TBX5: variants seen among roughly 807,000 people sequenced by gnomAD.
The protein encoded by TBX5 is T-box transcription factor TBX5.
A neutral mutation model predicts 51.1 loss-of-function variants in TBX5; 8 were observed. That is an observed-to-expected ratio of 0.16 (90% CI 0.09 to 0.28). The LOEUF (loss-of-function observed/expected upper bound fraction) is 0.28. Among genes scored for constraint, TBX5 ranks in the 10% least tolerant of loss-of-function variants. The pLI is 1.00. For synonymous variants in TBX5, 302 were observed against 266.4 expected (o/e 1.13, Z -1.30); for missense variants, 589 against 671.7 (o/e 0.88, Z 1.36).
chr12:114,388,315 G>A (rs557857279), intron 6 of TBX5, among the ~76,000 whole-genome samples: 2 of 151,992 alleles, frequency 1.3e-5, no homozygotes, highest in Admixed American at 6.6e-5. Flanking sequence ...CTGCCACCAC[G>A]CCTGAGTAAT....
chr12:114,402,071 T>C, intron 2 of TBX5, 151 bp from the exon 3 acceptor site: 1 of 735,708 alleles, frequency 1.4e-6, no homozygotes, highest in Non-Finnish European at 2.4e-6. Flanking sequence ...CACTGCAGAA[T>C]TATCTGGAGC....
At chr12:114,390,657 T>C (rs1472862448) in intron 6 of TBX5, among the ~76,000 whole-genome samples, 1 of 152,210 alleles carries the variant, frequency 6.6e-6, no homozygotes, top group Non-Finnish European at 1.5e-5. Flanking sequence ...ATAGACTCCT[T>C]ACACAATGAT....
chr12:114,402,262 C>A lies in TBX5; in HGVS notation c.148-342G>T, dbSNP rs573906047. On this transcript the variant is annotated intron_variant, in intron 2 of 8. Coordinates refer to ENST00000405440, the MANE Select transcript of TBX5 (RefSeq NM_181486.4). The stretch of plus-strand genomic sequence containing the variant: ...TGAGGAGGACCGGAATAAGAAAAAA[C>A]CAACCAAACAAACAAACCAAAAAAA... Among the ~76,000 whole-genome samples the A allele has an allele frequency of 1.1e-3, 171 of 152,054 alleles. 1 individual carries two copies. Among genetic ancestry groups the A allele is most frequent in the Middle Eastern group, 6.8e-3 (2 of 294 alleles).
At position 114,355,936 on chromosome 12, in the gene TBX5, G is replaced by T; in HGVS notation, c.1153C>A (p.Pro385Thr). ...RQACMYASSA[P>T]PSEPVPSLED... ...AGGCTGGGCACAGGCTCGCTGGGGGGCGCAGAGCTGGCATACATGCAAGCT... is the reference window on the plus strand; with the variant it reads ...AGGCTGGGCACAGGCTCGCTGGGGGTCGCAGAGCTGGCATACATGCAAGCT... Residue 385 changes from proline to threonine, a missense_variant, in exon 9 of 9, where the codon CCC becomes ACC. Physicochemically the swap from Pro to Thr is conservative, Grantham distance 38. Coordinates refer to ENST00000405440, the MANE Select transcript of TBX5 (RefSeq NM_181486.4). The T allele has an allele frequency of 1.2e-6, 2 of 1,613,870 alleles. No individual in the cohort carries two copies. Among genetic ancestry groups the T allele is most frequent in the Non-Finnish European group, 1.7e-6 (2 of 1,180,040 alleles).
At chr12:114,364,100 T>C (rs1039946668) in intron 8 of TBX5, among the ~76,000 whole-genome samples, 4 of 152,220 alleles carry the variant, frequency 2.6e-5, no homozygotes, top group Non-Finnish European at 5.9e-5. Context: ...TAAATACCAA[T>C]GACAGCTCTT....
At chr12:114,404,208 T>C (rs1168728996) in intron 1 of TBX5, among the ~76,000 whole-genome samples, 1 of 152,032 alleles carries the variant, frequency 6.6e-6, no homozygotes, top group Non-Finnish European at 1.5e-5. Context: ...GGCCCGCATC[T>C]CCCCTGCGCA....
rs137928706 is a variant in TBX5, at chr12:114,355,646, G to A, written c.1443C>T (p.Thr481=). 52 of 1,614,082 alleles carry A rather than the reference G, an allele frequency of 3.2e-5. No individual in the cohort carries two copies. Among genetic ancestry groups the A allele is most frequent in the Non-Finnish European group, 4.2e-5 (50 of 1,180,040 alleles). Residue 481 remains threonine (T), a synonymous_variant, in exon 9 of 9, where the codon ACC becomes ACT. Transcript: ENST00000405440. The part of the protein sequence containing the change: ...GPQTGLQSPG[T]LQPPEFLYSH... ...AGTAGAGGAACTCAGGGGGCTGAAG[G>A]GTGCCAGGGGACTGCAGGCCAGTCT...
chr12:114,390,453 G>A (rs1304989366), intron 6 of TBX5, among the ~76,000 whole-genome samples: 1 of 152,230 alleles, frequency 6.6e-6, no homozygotes, highest in African/African-American at 2.4e-5. Flanking sequence ...AGATTTGGGA[G>A]TGGGGGAAAA....
At chr12:114,407,092 T>C (rs984448977), upstream of TBX5, 13 of 985,216 alleles carry the variant, frequency 1.3e-5, no homozygotes, top group African/African-American at 1.7e-5. Context: ...GGAGGAGAAA[T>C]GCCCCGAGGT....
At chr12:114,402,164 T>C (rs539631792) in intron 2 of TBX5, among the ~76,000 whole-genome samples, 26 of 152,304 alleles carry the variant, frequency 1.7e-4, no homozygotes, top group African/African-American at 6.3e-4. Flanking sequence ...CAGTGCTGTA[T>C]TGTCTGCTTC....
chr12:114,380,283 C>G (rs1870434778), intron 7 of TBX5, among the ~76,000 whole-genome samples: 1 of 152,112 alleles, frequency 6.6e-6, no homozygotes, highest in Admixed American at 6.6e-5. Context: ...AAAACCAGGG[C>G]CTAGATGGTT....
At chr12:114,361,573 A>G (rs1869242977) in intron 8 of TBX5, among the ~76,000 whole-genome samples, 1 of 152,074 alleles carries the variant, frequency 6.6e-6, no homozygotes, top group Non-Finnish European at 1.5e-5. Context: ...TAGTTTGGAG[A>G]CAGCCGGTTC....
At chr12:114,386,761 C>T (rs537000817) in intron 6 of TBX5, among the ~76,000 whole-genome samples, 3 of 152,206 alleles carry the variant, frequency 2.0e-5, no homozygotes, top group Middle Eastern at 3.4e-3. Flanking sequence ...TGAACTGAGA[C>T]TCCCTCTCTA....
intron 8 of TBX5, among the ~76,000 whole-genome samples, chr12:114,358,174 A>G (rs530078225): frequency 5.3e-5 from 8 of 152,212 alleles, no homozygotes; most frequent in Admixed American, 1.3e-4. Context: ...TCTAATACCC[A>G]GTGCCACTCA....
intron 7 of TBX5, among the ~76,000 whole-genome samples, chr12:114,383,220 C>A (rs1165076471): frequency 6.6e-6 from 1 of 152,084 alleles, no homozygotes; most frequent in African/African-American, 2.4e-5. Flanking sequence ...GCTGACCACA[C>A]AGTCTATGGC....
At chr12:114,382,573 T>C (rs896045882) in intron 7 of TBX5, among the ~76,000 whole-genome samples, 1 of 151,000 alleles carries the variant, frequency 6.6e-6, no homozygotes, top group Non-Finnish European at 1.5e-5. Context: ...CCGAGGCGGG[T>C]GGATTGCCTG....
Position 114,399,763 on chromosome 12 carries a change from T to C in TBX5, c.243-131A>G, listed in dbSNP as rs1871682684. Reference sequence around the variant, plus strand: ...GAAGCGGAAACTAGCCCCGTTCCGCTCTCCGCAAGATCCATCCCGGGTTTC... The same window carrying C: ...GAAGCGGAAACTAGCCCCGTTCCGCCCTCCGCAAGATCCATCCCGGGTTTC... On this transcript the variant is annotated intron_variant, in intron 3 of 8. Coordinates refer to ENST00000405440, the MANE Select transcript of TBX5 (RefSeq NM_181486.4). 6.3e-6 allele frequency: 9 copies of C among 1,431,018 alleles called. No homozygotes were observed. In the South Asian group the frequency reaches 9.5e-5, roughly 15 times the overall value. 88.6% of individuals were successfully genotyped at this position (1,431,018 alleles called of 1,614,324 possible).
chr12:114,356,852 G>T (rs540167943), intron 8 of TBX5, among the ~76,000 whole-genome samples: 12 of 152,274 alleles, frequency 7.9e-5, no homozygotes, highest in African/African-American at 2.9e-4. Flanking sequence ...AAGGACTCAC[G>T]GAGGTTAAGA....
At position 114,405,742 on chromosome 12, in the gene TBX5, C is replaced by T; in HGVS notation, c.-153G>A. ...TCCGGGGTTTATGCGGGGTTTACTG[C>T]TTACCCAGAATAGCGGCTACTGCTG... On this transcript the variant is annotated 5_prime_UTR_variant, in exon 1 of 9. Coordinates refer to ENST00000405440, the MANE Select transcript of TBX5 (RefSeq NM_181486.4). 1 of 985,578 alleles carries T rather than the reference C, an allele frequency of 1.0e-6. No individual in the cohort carries two copies. The highest frequency in any genetic ancestry group is 1.2e-6 in the Non-Finnish European group (1 of 830,064). The allele number at this position is 985,578 out of a possible 1,614,324, so 61.1% of individuals were successfully genotyped here. A position where few individuals can be genotyped will look rare whatever the true frequency, so the allele number is the denominator to read the frequency against.
Sources: gnomAD v4.1 joint callset for allele counts (sites outside exome capture counted in the v4.1 genomes callset) on GRCh38, gnomAD v4.1.1 for gene constraint, MANE v1.5 for transcripts, NCBI Gene and HGNC (gene_info 2026-07-23, HGNC 2026-07-21) for gene names.